The following PKNOX2 variants were observed in gnomAD, a reference collection of about 807,000 sequenced individuals.
The protein encoded by PKNOX2 is homeobox protein PKNOX2.
PKNOX2 carries 14 observed loss-of-function variants against 53.1 expected under a neutral mutation model. That is an observed-to-expected ratio of 0.26 (90% confidence interval 0.17 to 0.41). PKNOX2 has a LOEUF of 0.41. PKNOX2 is among the 10% of genes least tolerant of loss of function. The pLI is 1.00. For missense variants in PKNOX2, 496 were observed against 602.8 expected (o/e 0.82, Z 1.85); for synonymous variants, 257 against 242.8 (o/e 1.06, Z -0.54).
chr11:125,350,929 T>C (rs1163806540), intron 3 of PKNOX2, among the ~76,000 whole-genome samples: 2 of 152,054 alleles, frequency 1.3e-5, no homozygotes, highest in African/African-American at 4.8e-5. Context: ...AGGAGGGGTA[T>C]CCAAATGGCC....
intron 1 of PKNOX2, among the ~76,000 whole-genome samples, chr11:125,222,656 C>CG (rs1463680095): frequency 5.5e-5 from 7 of 128,170 alleles, no homozygotes; most frequent in African/African-American, 2.2e-4. Flanking sequence ...TATGTGTGTG[C>CG]TGTGTATGTG....
intron 2 of PKNOX2, among the ~76,000 whole-genome samples, chr11:125,300,605 A>AAGAGAGAGACAGAGACAGAAAC (rs1283638005): frequency 6.6e-6 from 1 of 152,098 alleles, no homozygotes; most frequent in Non-Finnish European, 1.5e-5. Context: ...GAGAGACAGA[A>AAGAGAGAGACAGAGACAGAAAC]AGAGAGAGAC....
In PKNOX2 at chr11:125,410,826, G is replaced by T; in HGVS notation, c.766G>T (p.Val256Leu). ...PVTMVTSQGQ[V>L]VTQAIPQGAI... ...TACCATGGTAACCTCCCAGGGTCAG[G>T]TGGTCACCCAAGCAATCCCCCAGGG... Residue 256 changes from valine to leucine, a missense_variant, in exon 9 of 13, where the codon GTG becomes TTG. Val to Leu is a conservative substitution (Grantham distance 32). This residue lies in a region of PKNOX2 where 141 missense variants were observed against 143.9 expected (regional missense o/e 0.98). Coordinates refer to ENST00000298282, the MANE Select transcript of PKNOX2 (RefSeq NM_001382323.2). The T allele has an allele frequency of 8.1e-6, 13 of 1,614,098 alleles. No homozygotes were observed. Among genetic ancestry groups the T allele is most frequent in the Non-Finnish European group, 9.3e-6 (11 of 1,180,006 alleles).
At chr11:125,410,126 G>A (rs1955413406) in intron 7 of PKNOX2, 70 bp from the exon 8 acceptor site, 1 of 1,565,830 alleles carries the variant, frequency 6.4e-7, no homozygotes. Context: ...AAGGACGGAA[G>A]AGGACTCTGG....
At chr11:125,247,577 C>T (rs151128045) in intron 2 of PKNOX2, among the ~76,000 whole-genome samples, 36 of 152,302 alleles carry the variant, frequency 2.4e-4, no homozygotes, top group African/African-American at 8.4e-4. Context: ...CTCTCGTTAG[C>T]CTTTTGCACT....
intron 1 of PKNOX2, among the ~76,000 whole-genome samples, chr11:125,215,739 G>A (rs923295434): frequency 2.0e-5 from 3 of 152,134 alleles, no homozygotes; most frequent in South Asian, 2.1e-4. Context: ...GCAACAGAGC[G>A]AGACTCTGTC....
intron 1 of PKNOX2, among the ~76,000 whole-genome samples, chr11:125,204,048 G>T (rs540516097): frequency 2.0e-5 from 3 of 152,168 alleles, no homozygotes; most frequent in Admixed American, 6.5e-5. Flanking sequence ...GTGTGGAGAG[G>T]GGGGAGGCAG....
chr11:125,331,277 C>T (rs1178457012), intron 2 of PKNOX2, among the ~76,000 whole-genome samples: 1 of 152,212 alleles, frequency 6.6e-6, no homozygotes, highest in Non-Finnish European at 1.5e-5. Flanking sequence ...CTGCTAAGTG[C>T]TGCTTTAGGC....
At chr11:125,220,688 G>A (rs2135495788) in intron 1 of PKNOX2, among the ~76,000 whole-genome samples, 1 of 152,288 alleles carries the variant, frequency 6.6e-6, no homozygotes, top group Non-Finnish European at 1.5e-5. Flanking sequence ...CTAGGATCCG[G>A]CCTTGTTCTA....
chr11:125,411,951 C>T, intron 10 of PKNOX2, 86 bp downstream of exon 10: 1 of 1,584,522 alleles, frequency 6.3e-7, no homozygotes, highest in African/African-American at 1.3e-5. Context: ...GCTGTCGGCT[C>T]CAAACCCACA....
At chr11:125,187,851 G>C (rs1956552339) in intron 1 of PKNOX2, among the ~76,000 whole-genome samples, 2 of 152,208 alleles carry the variant, frequency 1.3e-5, no homozygotes, top group East Asian at 3.9e-4. Context: ...AGGTGGGAAT[G>C]GGGGCACCCA....
At chr11:125,351,262 G>A (rs1183140620) in intron 3 of PKNOX2, 22 bp from the exon 4 acceptor site, 2 of 987,244 alleles carry the variant, frequency 2.0e-6, no homozygotes, top group Non-Finnish European at 3.2e-6. Flanking sequence ...TAACGGTGCG[G>A]CCCCCTTTCT....
At chr11:125,388,212 A>G (rs1953781906) in intron 6 of PKNOX2, among the ~76,000 whole-genome samples, 2 of 152,170 alleles carry the variant, frequency 1.3e-5, no homozygotes, top group African/African-American at 4.8e-5. Context: ...CGGAGCCATC[A>G]TTAGAACAAG....
chr11:125,392,891 G>C (rs1374269654), intron 6 of PKNOX2, among the ~76,000 whole-genome samples: 2 of 152,110 alleles, frequency 1.3e-5, no homozygotes, highest in African/African-American at 4.8e-5. Context: ...GGGCGCGGTG[G>C]CTCACGCCTG....
intron 2 of PKNOX2, among the ~76,000 whole-genome samples, chr11:125,265,671 G>A (rs1218900703): frequency 1.3e-5 from 2 of 152,190 alleles, no homozygotes; most frequent in African/African-American, 2.4e-5. Context: ...GGTTTCTGAG[G>A]GGTCTAAGCC....
intron 1 of PKNOX2, chr11:125,184,179 G>A (rs1042071657): frequency 3.3e-5 from 5 of 152,268 alleles, no homozygotes; most frequent in African/African-American, 4.8e-5. Flanking sequence ...ACAGGACAGA[G>A]AAGACTCATT....
chr11:125,368,076 C>T, intron 5 of PKNOX2, 91 bp downstream of exon 5: 1 of 1,469,846 alleles, frequency 6.8e-7, no homozygotes, highest in Non-Finnish European at 9.1e-7. Flanking sequence ...AAAGGGTGGG[C>T]TCGGCAGAGA....
At chr11:125,382,548 C>T (rs1309964117) in intron 5 of PKNOX2, among the ~76,000 whole-genome samples, 2 of 152,184 alleles carry the variant, frequency 1.3e-5, no homozygotes, top group African/African-American at 2.4e-5. Flanking sequence ...TAAATGGCAG[C>T]AGGCATCTGT....
At chr11:125,196,248 G>A (rs1039522395) in intron 1 of PKNOX2, among the ~76,000 whole-genome samples, 1 of 152,184 alleles carries the variant, frequency 6.6e-6, no homozygotes, top group Non-Finnish European at 1.5e-5. Context: ...CCGAGAAGGG[G>A]CTGTGAGGTC....
Sources: gnomAD v4.1 joint callset for allele counts (sites outside exome capture counted in the v4.1 genomes callset) on GRCh38, gnomAD v4.1.1 for gene constraint, gnomAD v4.1.1 regional missense constraint, MANE v1.5 for transcripts, NCBI Gene and HGNC (gene_info 2026-07-23, HGNC 2026-07-21) for gene names.